FBXO6: variants seen among roughly 807,000 people sequenced by gnomAD.
FBXO6 encodes the protein F-box protein 6, also known as F-box only protein 6.
FBXO6 carries 13 observed loss-of-function variants against 25.0 expected under a neutral mutation model. The observed-to-expected ratio is 0.52, with a 90% CI of 0.34 to 0.83. The LOEUF is 0.83. FBXO6 is among the 40% of genes least tolerant of loss of function. The pLI, the probability that FBXO6 is intolerant of heterozygous loss-of-function variation, is 0.02. For synonymous variants in FBXO6, 138 were observed against 155.3 expected (o/e 0.89, Z 0.83); for missense variants, 370 against 380.2 (o/e 0.97, Z 0.22).
intron 1 of FBXO6, chr1:11,664,596 C>CT (rs1424875364): frequency 6.6e-6 from 1 of 151,984 alleles, no homozygotes; most frequent in Non-Finnish European, 1.5e-5. Flanking sequence ...GGCGGAGGCT[C>CT]TGCGGCCGCC....
Position 11,672,162 on chromosome 1 carries a change from G to A in FBXO6, c.509+139G>A, listed in dbSNP as rs1288937606. ...CCAGGTAGCCCCGGCCTCCGCCCCT[G>A]CTCTGCACCCACACCCTGCGGCACC... On this transcript the variant is annotated intron_variant, in intron 4 of 5. Coordinates refer to ENST00000376753, the MANE Select transcript of FBXO6 (RefSeq NM_018438.6). The A allele has an allele frequency of 4.2e-6, 3 of 711,926 alleles. No homozygotes were observed. In the African/African-American group the frequency reaches 5.3e-5, roughly 13 times the overall value. 44.1% of individuals were successfully genotyped at this position (711,926 alleles called of 1,614,324 possible).
rs558855884 is a variant in FBXO6 at position 11,669,712 on chromosome 1, A to AT, written c.286+769dup. On this transcript the variant is annotated intron_variant, in intron 2 of 5. Coordinates refer to ENST00000376753, the MANE Select transcript of FBXO6 (RefSeq NM_018438.6). ...CGTATATATACATATGTATACATAT[A>AT]TGTGTATACATATATACATATACAT... 3.9e-3 allele frequency among the ~76,000 whole-genome samples: 546 copies of AT among 139,414 alleles called. 1 individual carries two copies. The highest frequency in any genetic ancestry group is 0.013 in the African/African-American group (504 of 38,022). 91.5% of individuals were successfully genotyped at this position (139,414 alleles called of 152,430 possible).
In FBXO6 at chr1:11,670,654, G is replaced by A. The variant is rs555546220; in HGVS notation, c.287-612G>A. On this transcript the variant is annotated intron_variant, in intron 2 of 5. Coordinates refer to ENST00000376753, the MANE Select transcript of FBXO6 (RefSeq NM_018438.6). ...AAAAAAAAAAGGGGGGGGGGGTGTCGCTATGTTCCCCAGGCTGGTCTTGAA... is the reference window on the plus strand; with the variant it reads ...AAAAAAAAAAGGGGGGGGGGGTGTCACTATGTTCCCCAGGCTGGTCTTGAA... 7.5e-3 allele frequency among the ~76,000 whole-genome samples: 1,111 copies of A among 147,752 alleles called. 4 individuals carry two copies. Among genetic ancestry groups the A allele is most frequent in the Non-Finnish European group, 0.013 (865 of 67,166 alleles).
At chr1:11,669,663 C>CATGTATATAT (rs138727441) in intron 2 of FBXO6, among the ~76,000 whole-genome samples, 14,084 of 124,434 alleles carry the variant, frequency 0.11, 1,096 homozygotes, top group African/African-American at 0.28. Flanking sequence ...TACATATACA[C>CATGTATATAT]ATGTATATAT....
At chr1:11,667,330 A>C (rs1640470439) in intron 1 of FBXO6, among the ~76,000 whole-genome samples, 1 of 152,166 alleles carries the variant, frequency 6.6e-6, no homozygotes, top group Non-Finnish European at 1.5e-5. Flanking sequence ...AAGAGGACTA[A>C]CCAGGTGCCC....
rs776367013 is a variant in FBXO6, at chr1:11,671,920, C to T, written c.414-8C>T. 6.2e-7 allele frequency: 1 copy of T among 1,613,508 alleles called. No homozygotes were observed. Among genetic ancestry groups the T allele is most frequent in the South Asian group, 1.1e-5 (1 of 91,076 alleles). ...CCAGGTATGCAAGCCCCCAACTCTG[C>T]TCCCCAGAATGTGCCTCAAGTCCCA... is the stretch of plus-strand genomic sequence containing the variant. On this transcript the variant is annotated splice_region_variant and splice_polypyrimidine_tract_variant and intron_variant, in intron 3 of 5. Transcript: ENST00000376753.
chr1:11,671,739 T>A (rs1369989147), intron 3 of FBXO6, among the ~76,000 whole-genome samples, 189 bp from the exon 4 acceptor site: 3 of 152,000 alleles, frequency 2.0e-5, no homozygotes, highest in African/African-American at 7.3e-5. Context: ...CACAAGTGGG[T>A]CAAACTCCCT....
intron 1 of FBXO6, among the ~76,000 whole-genome samples, chr1:11,665,212 T>C (rs972675748): frequency 8.4e-6 from 1 of 119,654 alleles, no homozygotes; most frequent in Non-Finnish European, 1.7e-5. Flanking sequence ...GCCTAGCTAA[T>C]TTCTTTTTTT....
intron 1 of FBXO6, among the ~76,000 whole-genome samples, chr1:11,666,217 T>C (rs1338446583): frequency 2.6e-5 from 4 of 151,604 alleles, no homozygotes; most frequent in Admixed American, 2.6e-4. Flanking sequence ...GGCTCACACC[T>C]GTGAGCTACT....
intron 1 of FBXO6, among the ~76,000 whole-genome samples, 151 bp from the exon 2 acceptor site, chr1:11,668,505 C>G (rs1640508833): frequency 1.3e-5 from 2 of 151,892 alleles, no homozygotes; most frequent in Admixed American, 1.3e-4. Context: ...TCAAGGGATC[C>G]TCTGCCTCAG....
In FBXO6 at chr1:11,672,040, G is replaced by C; in HGVS notation, c.509+17G>C. On this transcript the variant is annotated intron_variant, in intron 4 of 5. Coordinates refer to ENST00000376753, the MANE Select transcript of FBXO6 (RefSeq NM_018438.6). ...TAAGGACTGGTGAGTAGGGTCCATG[G>C]CCTGTGTCCCCACACTCTACATGCT... 1 of 1,603,924 alleles carries C rather than the reference G, an allele frequency of 6.2e-7. No individual in the cohort carries two copies. Among genetic ancestry groups the C allele is most frequent in the Non-Finnish European group, 8.5e-7 (1 of 1,170,746 alleles).
rs140436527 is a variant in FBXO6 at position 11,673,837 on chromosome 1, G to A, written c.868G>A (p.Val290Ile). Reference protein sequence around the residue: ...EAAQSPYRAVVQIF With the variant: ...EAAQSPYRAVIQIF ...TGCCCAATCGCCCTACCGAGCTGTT[G>A]TCCAGATTTTCTGACAGCTGTCCAT... Residue 290 changes from valine to isoleucine, a missense_variant, in exon 6 of 6, where the codon GTC becomes ATC. Physicochemically the swap from Val to Ile is conservative, Grantham distance 29. Coordinates refer to ENST00000376753, the MANE Select transcript of FBXO6 (RefSeq NM_018438.6). The surrounding 1 kb of genome is among the most constrained non-coding windows in gnomAD (Gnocchi z 4.3). 554 of 1,614,042 alleles carry A rather than the reference G, an allele frequency of 3.4e-4. 3 individuals are homozygous for A. The African/African-American group carries it at 6.2e-3, about 18-fold the overall frequency.
At chr1:11,667,535 T>C (rs1640475824) in intron 1 of FBXO6, among the ~76,000 whole-genome samples, 1 of 152,032 alleles carries the variant, frequency 6.6e-6, no homozygotes, top group South Asian at 2.1e-4. Context: ...TTTCACAGCT[T>C]CCCAACTGGT....
rs1304218575 is a variant in FBXO6, at chr1:11,671,934, C to T, written c.420C>T (p.Cys140=). 1.2e-6 allele frequency: 2 copies of T among 1,614,108 alleles called. No individual in the cohort carries two copies. Among genetic ancestry groups the T allele is most frequent in the East Asian group, 4.5e-5 (2 of 44,884 alleles). ...KKYFVTSYEM[C]LKSQLVDLVA... The stretch of plus-strand genomic sequence containing the variant: ...CCCCAACTCTGCTCCCCAGAATGTG[C>T]CTCAAGTCCCAGCTGGTGGACCTTG... The change falls in exon 4 of 6, where the codon TGC becomes TGT. Residue 140 remains cysteine (C), a synonymous_variant. Transcript: ENST00000376753.
rs1640686193 is a variant in FBXO6 at position 11,673,480 on chromosome 1, C to T, written c.645+68C>T. On this transcript the variant is annotated intron_variant, in intron 5 of 5. Transcript: ENST00000376753. The surrounding 1 kb of genome is among the most constrained non-coding windows in gnomAD (Gnocchi z 4.3). ...GGCCAGGATGGCAGGAAGCAAAGGG[C>T]AGCCTCAGGGCCCAGGGTGCCCCTG... 1.3e-6 allele frequency: 2 copies of T among 1,593,490 alleles called. No homozygotes were observed. Among genetic ancestry groups the T allele is most frequent in the Non-Finnish European group, 1.7e-6 (2 of 1,167,376 alleles).
chr1:11,667,611 C>A (rs750669531), intron 1 of FBXO6, among the ~76,000 whole-genome samples: 17 of 151,632 alleles, frequency 1.1e-4, no homozygotes, highest in Admixed American at 2.6e-4. Flanking sequence ...TTTTTTTTTC[C>A]GGCCATCTCC....
intron 1 of FBXO6, among the ~76,000 whole-genome samples, chr1:11,665,046 T>G (rs72638621): frequency 0.017 from 940 of 54,330 alleles, 9 homozygotes; most frequent in African/African-American, 0.065. Context: ...TGCCAGCATT[T>G]ATTTATTTAT....
At chr1:11,665,378 C>T (rs1358323075) in intron 1 of FBXO6, among the ~76,000 whole-genome samples, 1 of 149,940 alleles carries the variant, frequency 6.7e-6, no homozygotes, top group African/African-American at 2.5e-5. Context: ...GCACCTGCTT[C>T]TCGAGTAGCT....
Position 11,671,364 on chromosome 1 carries a change from G to T in FBXO6, c.385G>T (p.Val129Phe). The T allele has an allele frequency of 6.2e-7, 1 of 1,614,108 alleles. No individual in the cohort carries two copies. Among genetic ancestry groups the T allele is most frequent in the African/African-American group, 1.3e-5 (1 of 75,042 alleles). Residue 129 changes from valine to phenylalanine, a missense_variant, in exon 3 of 6, where the codon GTC becomes TTC. Physicochemically the swap from Val to Phe is conservative, Grantham distance 50 (BLOSUM62 -1). Coordinates refer to ENST00000376753, the MANE Select transcript of FBXO6 (RefSeq NM_018438.6). The part of the protein sequence containing the change: ...AHGTDFPDPK[V>F]KKYFVTSYEM... The stretch of plus-strand genomic sequence containing the variant: ...CGGGACAGATTTTCCTGACCCCAAA[G>T]TCAAGAAGTATTTTGTCACATCCTA...
Sources: gnomAD v4.1 joint callset for allele counts (sites outside exome capture counted in the v4.1 genomes callset) on GRCh38, gnomAD v4.1.1 for gene constraint, Gnocchi (gnomAD v3.1) non-coding constraint, MANE v1.5 for transcripts, NCBI Gene and HGNC (gene_info 2026-07-23, HGNC 2026-07-21) for gene names.